Variants in VPS13B observed in about 807,000 individuals in gnomAD.
The protein encoded by VPS13B is intermembrane lipid transfer protein VPS13B.
In VPS13B, 285 loss-of-function variants were observed where a neutral mutation model predicts 426.4. That is an observed-to-expected ratio of 0.67 (90% CI 0.61 to 0.74). The LOEUF (loss-of-function observed/expected upper bound fraction) is 0.74. Ranked by LOEUF, VPS13B falls within the 30% of genes least tolerant of loss-of-function variation. The pLI is 0.00. For synonymous variants in VPS13B, 1,676 were observed against 1,676.4 expected, an observed-to-expected ratio of 1.00 and a Z score of 0.01; for missense variants, 4,537 against 4,782.6, an observed-to-expected ratio of 0.95 and a Z score of 1.51.
At position 99,818,713 on chromosome 8, in the gene VPS13B, A is replaced by C; in HGVS notation, c.8446A>C (p.Ile2816Leu). ...TTGTTCTATCCTTTTATTTTTATAG[A>C]TTGTGTTCAGCCCTCTTTTTATCAT... Reference protein sequence around the residue: ...EPNSQVQQRMIVFSPLFIMRS... With the variant: ...EPNSQVQQRMLVFSPLFIMRS... Residue 2816 changes from isoleucine (I) to leucine (L), a missense_variant and splice_region_variant, in exon 47 of 62, where the codon ATT (isoleucine) becomes CTT (leucine). Physicochemically the swap from Ile to Leu is conservative, Grantham distance 5. Transcript: ENST00000357162. 1 of 1,613,758 alleles carries C rather than the reference A, an allele frequency of 6.2e-7. No homozygotes were observed. Among genetic ancestry groups the C allele is most frequent in the Non-Finnish European group, 8.5e-7 (1 of 1,179,924 alleles).
At position 99,422,019 on chromosome 8, in the gene VPS13B, G is replaced by T. The variant is rs958209060; in HGVS notation, c.3083-9518G>T. Among the ~76,000 whole-genome samples, 3 of 152,250 alleles carry T rather than the reference G, an allele frequency of 2.0e-5. No homozygotes were observed. The East Asian group carries it at 5.8e-4, about 29-fold the overall frequency. ...AAATTTGTAAAGCACTTGCAGCAGTGCCTGGCTTGTAGTAGGTGCTATAGA... is the reference window on the plus strand; with the variant it reads ...AAATTTGTAAAGCACTTGCAGCAGTTCCTGGCTTGTAGTAGGTGCTATAGA... On this transcript the variant is annotated intron_variant, in intron 21 of 61. Transcript: ENST00000357162.
intron 6 of VPS13B, among the ~76,000 whole-genome samples, chr8:99,114,026 T>C (rs976651922): frequency 1.3e-5 from 2 of 152,218 alleles, no homozygotes; most frequent in Non-Finnish European, 2.9e-5. Context: ...TTATTTAACA[T>C]TTCTCCTGTT....
chr8:99,363,114 T>A (rs1348808738), intron 19 of VPS13B, among the ~76,000 whole-genome samples: 3 of 152,224 alleles, frequency 2.0e-5, no homozygotes, highest in Non-Finnish European at 4.4e-5. Flanking sequence ...GTGATTACTT[T>A]TAGTAGTTTC....
chr8:99,285,794 C>T (rs987173602), intron 19 of VPS13B, among the ~76,000 whole-genome samples: 1 of 152,030 alleles, frequency 6.6e-6, no homozygotes, highest in African/African-American at 2.4e-5. Context: ...GCTACCTGCC[C>T]CTTCTCCTAG....
chr8:99,483,954 A>AAAAAT (rs894924558), intron 25 of VPS13B, among the ~76,000 whole-genome samples: 37 of 152,126 alleles, frequency 2.4e-4, no homozygotes, highest in African/African-American at 8.7e-4. Context: ...GAAATGTAAT[A>AAAAAT]AAAATAAAAT....
At chr8:99,266,634 C>T (rs1818321726) in intron 17 of VPS13B, among the ~76,000 whole-genome samples, 1 of 151,942 alleles carries the variant, frequency 6.6e-6, no homozygotes, top group Non-Finnish European at 1.5e-5. Flanking sequence ...TCATGCTGTT[C>T]TTGTGGTAGT....
chr8:99,552,940 A>G (rs747515975), intron 30 of VPS13B, among the ~76,000 whole-genome samples: 4 of 152,108 alleles, frequency 2.6e-5, no homozygotes, highest in African/African-American at 7.2e-5. Flanking sequence ...CACCATCACA[A>G]TCAAGATACA....
intron 35 of VPS13B, among the ~76,000 whole-genome samples, chr8:99,669,951 T>C (rs1248109660): frequency 6.6e-6 from 1 of 152,234 alleles, no homozygotes; most frequent in East Asian, 1.9e-4. Flanking sequence ...CCTTTCTGAT[T>C]TGAATGAATA....
At chr8:99,603,221 C>G (rs765294535) in intron 33 of VPS13B, among the ~76,000 whole-genome samples, 2 of 152,012 alleles carry the variant, frequency 1.3e-5, no homozygotes, top group Non-Finnish European at 2.9e-5. Context: ...CTAACATAAC[C>G]GAAAGTAAGA....
At chr8:99,508,868 C>T (rs1029445401) in intron 28 of VPS13B, among the ~76,000 whole-genome samples, 9 of 151,658 alleles carry the variant, frequency 5.9e-5, no homozygotes, top group East Asian at 1.9e-4. Context: ...CTAGTATTCA[C>T]TTTTTGCCTT....
Position 99,481,581 on chromosome 8 carries a change from T to A in VPS13B, c.3667-18T>A. 1 of 1,612,218 alleles carries A rather than the reference T, an allele frequency of 6.2e-7. No individual in the cohort carries two copies. Among genetic ancestry groups the A allele is most frequent in the Non-Finnish European group, 8.5e-7 (1 of 1,179,366 alleles). On this transcript the variant is annotated intron_variant, in intron 24 of 61. Coordinates refer to ENST00000357162, the MANE Select transcript of VPS13B (RefSeq NM_152564.5). ...AGTTGAAAGACTTGTTTTCTTTTCT[T>A]TTTTCTTATGCTCTCAGGTCCAGCT...
At chr8:99,156,858 A>T in intron 15 of VPS13B, 115 bp downstream of exon 15, 1 of 938,832 alleles carries the variant, frequency 1.1e-6, no homozygotes, top group Non-Finnish European at 1.6e-6. Context: ...AAAAGGTAAG[A>T]TTTAAATAAG....
At chr8:99,681,031 AT>A (rs1380333045) in intron 35 of VPS13B, among the ~76,000 whole-genome samples, 25 of 152,170 alleles carry the variant, frequency 1.6e-4, no homozygotes, top group East Asian at 5.8e-4. Flanking sequence ...ATTTTTGCAT[AT>A]TTTTTTCTAT....
At chr8:99,777,164 C>G (rs1294535730) in intron 41 of VPS13B, among the ~76,000 whole-genome samples, 1 of 152,122 alleles carries the variant, frequency 6.6e-6, no homozygotes, top group African/African-American at 2.4e-5. Flanking sequence ...TATAAGTTGT[C>G]AATGGTATTG....
chr8:99,721,751 G>T (rs1221137933), intron 39 of VPS13B, among the ~76,000 whole-genome samples: 6 of 151,930 alleles, frequency 3.9e-5, no homozygotes, highest in African/African-American at 1.5e-4. Flanking sequence ...CTACTTCCCT[G>T]CGTCAAAACC....
intron 2 of VPS13B, among the ~76,000 whole-genome samples, chr8:99,032,180 T>G (rs1479986302): frequency 6.6e-6 from 1 of 152,172 alleles, no homozygotes; most frequent in Non-Finnish European, 1.5e-5. Context: ...TATGCTGACA[T>G]GTGGAGTTTC....
Position 99,067,273 on chromosome 8 carries a change from G to T in VPS13B, c.291+28707G>T, listed in dbSNP as rs144391326. Among the ~76,000 whole-genome samples, 527 of 152,280 alleles carry T rather than the reference G, an allele frequency of 3.5e-3. 3 individuals carry two copies. Among genetic ancestry groups the T allele is most frequent in the African/African-American group, 0.011 (463 of 41,546 alleles). On this transcript the variant is annotated intron_variant, in intron 3 of 61. Coordinates refer to ENST00000357162, the MANE Select transcript of VPS13B (RefSeq NM_152564.5). Reference sequence around the variant, plus strand: ...GTCTGTCAATGATAGACTGGATTAAGAAAATGTGGCACATATACACCATGG... The same window carrying T: ...GTCTGTCAATGATAGACTGGATTAATAAAATGTGGCACATATACACCATGG...
At chr8:99,393,136 T>G (rs1473277640) in intron 21 of VPS13B, among the ~76,000 whole-genome samples, 2 of 152,034 alleles carry the variant, frequency 1.3e-5, no homozygotes, top group South Asian at 2.1e-4. Context: ...AAATAATGGT[T>G]AAGGATAATT....
rs953606527 is a variant in VPS13B, at chr8:99,026,429, G to A, written c.148-11994G>A. 3.9e-4 allele frequency among the ~76,000 whole-genome samples: 59 copies of A among 152,052 alleles called. 1 individual carries two copies. Among genetic ancestry groups the A allele is most frequent in the African/African-American group, 9.4e-4 (39 of 41,372 alleles). On this transcript the variant is annotated intron_variant, in intron 2 of 61. Coordinates refer to ENST00000357162, the MANE Select transcript of VPS13B (RefSeq NM_152564.5). ...TGTGCTAATGGCAAGAATGTATCCC[G>A]CAGCTGTTGTTCTGTAAATATCTGT...
Sources: gnomAD v4.1 joint callset for allele counts (sites outside exome capture counted in the v4.1 genomes callset) on GRCh38, gnomAD v4.1.1 for gene constraint, MANE v1.5 for transcripts, NCBI Gene and HGNC (gene_info 2026-07-23, HGNC 2026-07-21) for gene names.